The following EEFSEC variants were observed in gnomAD, a reference collection of about 807,000 sequenced individuals.
The protein encoded by EEFSEC is eukaryotic elongation factor, selenocysteine-tRNA specific.
A neutral mutation model predicts 42.1 loss-of-function variants in EEFSEC; 43 were observed. The ratio of observed to expected loss-of-function variants is 1.02; its 90% CI spans 0.80 to 1.32. EEFSEC has a LOEUF of 1.32. Among genes scored for constraint, EEFSEC ranks in the 40% most tolerant of loss-of-function variants. EEFSEC has a pLI of 0.00. For missense variants in EEFSEC, 745 were observed against 803.6 expected (o/e 0.93, Z 0.88); for synonymous variants, 354 against 339.1 (o/e 1.04, Z -0.48).
chr3:128,228,216 G>A (rs879823736), intron 1 of EEFSEC, among the ~76,000 whole-genome samples: 2 of 152,178 alleles, frequency 1.3e-5, no homozygotes, highest in Non-Finnish European at 2.9e-5. Flanking sequence ...CTGTCCCAGT[G>A]GGTGAAGCTG....
At chr3:128,361,728 C>A (rs1487141994) in intron 6 of EEFSEC, among the ~76,000 whole-genome samples, 1 of 152,192 alleles carries the variant, frequency 6.6e-6, no homozygotes, top group Non-Finnish European at 1.5e-5. Context: ...GGTTGGAAAG[C>A]CCCGTATTTA....
chr3:128,236,292 T>C (rs1214068264), intron 1 of EEFSEC, among the ~76,000 whole-genome samples: 1 of 152,224 alleles, frequency 6.6e-6, no homozygotes, highest in Non-Finnish European at 1.5e-5. Context: ...TTACCAAATG[T>C]TTGAGGTGAC....
At chr3:128,201,805 G>C (rs1043826007) in intron 1 of EEFSEC, among the ~76,000 whole-genome samples, 1 of 152,152 alleles carries the variant, frequency 6.6e-6, no homozygotes, top group Non-Finnish European at 1.5e-5. Context: ...ATTCTACTCA[G>C]TTTCCTTCTA....
At chr3:128,403,170 C>T (rs1190636419) in intron 6 of EEFSEC, among the ~76,000 whole-genome samples, 2 of 152,142 alleles carry the variant, frequency 1.3e-5, no homozygotes, top group Non-Finnish European at 2.9e-5. Flanking sequence ...AGTCCACAGG[C>T]GGAGGGATTG....
At chr3:128,206,669 A>G (rs2065700031) in intron 1 of EEFSEC, among the ~76,000 whole-genome samples, 1 of 152,208 alleles carries the variant, frequency 6.6e-6, no homozygotes, top group Non-Finnish European at 1.5e-5. Context: ...GGTAGATATA[A>G]TAATCACCTT....
At chr3:128,380,921 G>A (rs1052866369) in intron 6 of EEFSEC, among the ~76,000 whole-genome samples, 6 of 152,206 alleles carry the variant, frequency 3.9e-5, no homozygotes, top group South Asian at 2.1e-4. Context: ...CTGACTCACC[G>A]TTCCCGCCAG....
chr3:128,422,776 A>C, the EEFSEC span, among the ~76,000 whole-genome samples: 1 of 152,252 alleles, frequency 6.6e-6, no homozygotes, highest in African/African-American at 2.4e-5. Flanking sequence ...TCAGACCAGA[A>C]GCCCAGATGT....
At chr3:128,208,310 A>T (rs917137427) in intron 1 of EEFSEC, among the ~76,000 whole-genome samples, 1 of 152,172 alleles carries the variant, frequency 6.6e-6, no homozygotes, top group Non-Finnish European at 1.5e-5. Flanking sequence ...CTTGACCTCT[A>T]TTGACCTGCG....
At chr3:128,205,095 A>G (rs1186348421) in intron 1 of EEFSEC, among the ~76,000 whole-genome samples, 1 of 152,134 alleles carries the variant, frequency 6.6e-6, no homozygotes, top group African/African-American at 2.4e-5. Context: ...AGGAATTTTA[A>G]CTAGTTGAAG....
intron 6 of EEFSEC, among the ~76,000 whole-genome samples, chr3:128,379,308 T>C (rs2067746555): frequency 6.6e-6 from 1 of 152,212 alleles, no homozygotes; most frequent in East Asian, 1.9e-4. Flanking sequence ...CTTTGGCCAT[T>C]GAAGCATTTC....
intron 4 of EEFSEC, among the ~76,000 whole-genome samples, chr3:128,270,728 C>T (rs936897973): frequency 1.3e-5 from 2 of 152,260 alleles, no homozygotes; most frequent in African/African-American, 4.8e-5. Context: ...TCCAGCAACG[C>T]TGTGCACTCC....
intron 1 of EEFSEC, among the ~76,000 whole-genome samples, chr3:128,163,046 T>A (rs1268105299): frequency 6.6e-6 from 1 of 152,202 alleles, no homozygotes; most frequent in Non-Finnish European, 1.5e-5. Flanking sequence ...CTAAGACATA[T>A]TCCCCTTTCT....
At chr3:128,327,910 G>A (rs148837358) in intron 4 of EEFSEC, among the ~76,000 whole-genome samples, 4 of 152,284 alleles carry the variant, frequency 2.6e-5, no homozygotes, top group Admixed American at 6.5e-5. Flanking sequence ...TGAGGCAGGC[G>A]AACTCTGGGA....
chr3:128,392,846 C>T (rs150275667), intron 6 of EEFSEC, among the ~76,000 whole-genome samples: 35 of 152,334 alleles, frequency 2.3e-4, no homozygotes, highest in Non-Finnish European at 3.7e-4. Context: ...CACGTGCCCT[C>T]GGGCTGGTGT....
intron 4 of EEFSEC, among the ~76,000 whole-genome samples, chr3:128,312,962 C>T (rs1472079072): frequency 6.6e-6 from 1 of 152,180 alleles, no homozygotes; most frequent in Non-Finnish European, 1.5e-5. Flanking sequence ...ACTCATACAG[C>T]CCTTGGTTAA....
At chr3:128,380,154 C>G (rs2067757795) in intron 6 of EEFSEC, among the ~76,000 whole-genome samples, 1 of 152,212 alleles carries the variant, frequency 6.6e-6, no homozygotes, top group Non-Finnish European at 1.5e-5. Flanking sequence ...CTCGTGATGA[C>G]TGCCTGAGGT....
At chr3:128,187,575 T>C (rs1362842934) in intron 1 of EEFSEC, among the ~76,000 whole-genome samples, 3 of 152,246 alleles carry the variant, frequency 2.0e-5, no homozygotes, top group Non-Finnish European at 2.9e-5. Context: ...CAAATGTACA[T>C]TTAGCACCTG....
At chr3:128,236,638 C>A (rs976093866) in intron 1 of EEFSEC, among the ~76,000 whole-genome samples, 1 of 152,120 alleles carries the variant, frequency 6.6e-6, no homozygotes, top group African/African-American at 2.4e-5. Context: ...ATTTTTATTT[C>A]TTTATGCCCC....
intron 4 of EEFSEC, among the ~76,000 whole-genome samples, chr3:128,302,502 A>G (rs2066779973): frequency 6.6e-6 from 1 of 152,226 alleles, no homozygotes. Context: ...TAAATATCCT[A>G]AAACAATTAT....
Sources: gnomAD v4.1 joint callset for allele counts (sites outside exome capture counted in the v4.1 genomes callset) on GRCh38, gnomAD v4.1.1 for gene constraint, MANE v1.5 for transcripts, NCBI Gene and HGNC (gene_info 2026-07-23, HGNC 2026-07-21) for gene names.